The following SSBP2 variants were observed in gnomAD, a reference collection of about 807,000 sequenced individuals.
The protein encoded by SSBP2 is single-stranded DNA-binding protein 2.
In SSBP2, 17 loss-of-function variants were observed where a neutral mutation model predicts 61.8. The ratio of observed to expected loss-of-function variants is 0.28; its 90% CI spans 0.19 to 0.41. The LOEUF is 0.41. Among genes scored for constraint, SSBP2 ranks in the 10% least tolerant of loss-of-function variants. SSBP2 has a pLI of 1.00. For synonymous variants in SSBP2, 139 were observed against 141.3 expected, an observed-to-expected ratio of 0.98 and a Z score of 0.12; for missense variants, 310 against 458.7, an observed-to-expected ratio of 0.68 and a Z score of 2.96.
chr5:81,551,917 A>G (rs942137930), intron 4 of SSBP2, among the ~76,000 whole-genome samples: 1 of 152,186 alleles, frequency 6.6e-6, no homozygotes, highest in African/African-American at 2.4e-5. Context: ...TGCTTATTGT[A>G]CATTTCTTAG....
intron 13 of SSBP2, 151 bp downstream of exon 13, chr5:81,442,502 C>G: frequency 2.0e-6 from 1 of 502,762 alleles, no homozygotes; most frequent in Non-Finnish European, 3.5e-6. Context: ...TTTTTTTAAC[C>G]CAGCTCAGAG....
intron 5 of SSBP2, among the ~76,000 whole-genome samples, chr5:81,491,393 A>T (rs555112896): frequency 4.6e-5 from 7 of 152,368 alleles, no homozygotes; most frequent in African/African-American, 1.7e-4. Context: ...AAACAGAAGA[A>T]CACTTGAGAT....
chr5:81,655,214 A>T (rs1192210283), intron 1 of SSBP2, among the ~76,000 whole-genome samples: 9 of 152,210 alleles, frequency 5.9e-5, no homozygotes, highest in Non-Finnish European at 1.3e-4. Context: ...GAAAATTTAA[A>T]GATAAATATT....
chr5:81,717,724 C>T (rs1481258363), intron 1 of SSBP2, among the ~76,000 whole-genome samples: 2 of 152,108 alleles, frequency 1.3e-5, no homozygotes, highest in Non-Finnish European at 2.9e-5. Context: ...TTTTTTGCTG[C>T]TTCAATCCAT....
intron 9 of SSBP2, among the ~76,000 whole-genome samples, chr5:81,464,841 G>A (rs899020242): frequency 2.6e-5 from 4 of 151,928 alleles, no homozygotes; most frequent in Admixed American, 1.3e-4. Flanking sequence ...CTACAAATAC[G>A]TTAGGAATAC....
chr5:81,594,710 A>G (rs564240931), intron 4 of SSBP2, among the ~76,000 whole-genome samples: 1 of 152,328 alleles, frequency 6.6e-6, no homozygotes, highest in South Asian at 2.1e-4. Context: ...GCTCAACTAC[A>G]TGGAAAATGA....
rs145587431 is a variant in SSBP2, at chr5:81,459,519, T to C, written c.687+1536A>G. On this transcript the variant is annotated intron_variant, in intron 10 of 16. Coordinates refer to ENST00000320672, the MANE Select transcript of SSBP2 (RefSeq NM_012446.5). ...ACAATGAGGAATAAGAGAATGGTTT[T>C]TGTGCTTCTAGGTGGGAAGGTTTCC... 8.2e-3 allele frequency among the ~76,000 whole-genome samples: 1,253 copies of C among 152,296 alleles called. 12 individuals are homozygous for C. Among genetic ancestry groups the C allele is most frequent in the African/African-American group, 0.027 (1,139 of 41,556 alleles).
At chr5:81,529,144 T>C (rs1483807022) in intron 4 of SSBP2, among the ~76,000 whole-genome samples, 1 of 152,128 alleles carries the variant, frequency 6.6e-6, no homozygotes, top group Non-Finnish European at 1.5e-5. Context: ...AAGAAATTAT[T>C]ATTTAACACT....
At chr5:81,459,570 G>A (rs1156788241) in intron 10 of SSBP2, among the ~76,000 whole-genome samples, 1 of 152,178 alleles carries the variant, frequency 6.6e-6, no homozygotes, top group African/African-American at 2.4e-5. Flanking sequence ...CATTGGTTGT[G>A]CTTTTCCATC....
intron 4 of SSBP2, among the ~76,000 whole-genome samples, chr5:81,533,010 A>G (rs1406285014): frequency 6.6e-6 from 1 of 151,996 alleles, no homozygotes; most frequent in African/African-American, 2.4e-5. Context: ...ATAAAATACT[A>G]GAACCAATCT....
chr5:81,587,766 C>T (rs1339687045), intron 4 of SSBP2, among the ~76,000 whole-genome samples: 1 of 143,312 alleles, frequency 7.0e-6, no homozygotes, highest in Non-Finnish European at 1.5e-5. Context: ...CGCGCGCGCA[C>T]ACACACACAC....
chr5:81,658,146 G>A (rs1750385298), intron 1 of SSBP2, among the ~76,000 whole-genome samples: 1 of 152,052 alleles, frequency 6.6e-6, no homozygotes, highest in Non-Finnish European at 1.5e-5. Context: ...TTACCACATT[G>A]TACAATAGAT....
chr5:81,506,866 G>A (rs1768220064), intron 5 of SSBP2, among the ~76,000 whole-genome samples: 1 of 151,860 alleles, frequency 6.6e-6, no homozygotes, highest in African/African-American at 2.4e-5. Context: ...AGTTTTGAGT[G>A]TCATATTAAA....
chr5:81,444,678 A>G (rs1227209219), intron 12 of SSBP2, among the ~76,000 whole-genome samples: 1 of 152,210 alleles, frequency 6.6e-6, no homozygotes, highest in African/African-American at 2.4e-5. Context: ...GGAAATCTTC[A>G]AATGGTTTTT....
At chr5:81,532,320 A>G (rs1172381159) in intron 4 of SSBP2, among the ~76,000 whole-genome samples, 1 of 151,996 alleles carries the variant, frequency 6.6e-6, no homozygotes, top group African/African-American at 2.4e-5. Flanking sequence ...AAATTCAGTG[A>G]CTGATTAATC....
intron 4 of SSBP2, among the ~76,000 whole-genome samples, chr5:81,515,077 T>C (rs911357212): frequency 2.6e-5 from 4 of 152,194 alleles, no homozygotes; most frequent in Admixed American, 6.5e-5. Context: ...TTGAGCTTTA[T>C]ATAGCAACAT....
chr5:81,661,956 T>C (rs1750732003), intron 1 of SSBP2, among the ~76,000 whole-genome samples: 1 of 152,190 alleles, frequency 6.6e-6, no homozygotes, highest in Non-Finnish European at 1.5e-5. Flanking sequence ...TTTCTTCTAG[T>C]AGCTTTATGG....
chr5:81,514,113 T>C (rs1398851765), intron 4 of SSBP2, among the ~76,000 whole-genome samples: 1 of 152,166 alleles, frequency 6.6e-6, no homozygotes, highest in East Asian at 1.9e-4. Context: ...GGGTGGATTG[T>C]AGGAGTTGAC....
At chr5:81,747,162 T>G (rs1480305857) in intron 1 of SSBP2, among the ~76,000 whole-genome samples, 1 of 152,176 alleles carries the variant, frequency 6.6e-6, no homozygotes, top group African/African-American at 2.4e-5. Flanking sequence ...ACTGCATATT[T>G]GATCAAATCT....
Sources: gnomAD v4.1 joint callset for allele counts (sites outside exome capture counted in the v4.1 genomes callset) on GRCh38, gnomAD v4.1.1 for gene constraint, MANE v1.5 for transcripts, NCBI Gene and HGNC (gene_info 2026-07-23, HGNC 2026-07-21) for gene names.